MBTD1: variants seen among roughly 807,000 people sequenced by gnomAD.
MBTD1 encodes MBT domain-containing protein 1.
Under a neutral mutation model 87.8 loss-of-function variants are expected in MBTD1, and 24 were observed. The ratio of observed to expected loss-of-function variants is 0.27; its 90% CI spans 0.20 to 0.38. MBTD1 has a LOEUF of 0.38. Ranked by LOEUF, MBTD1 falls within the 10% of genes least tolerant of loss-of-function variation. The pLI is 1.00. For synonymous variants in MBTD1, 237 were observed against 248.6 expected (o/e 0.95, Z 0.44); for missense variants, 436 against 760.2 (o/e 0.57, Z 5.02).
chr17:51,255,230 G>A (rs148451438), intron 2 of MBTD1, among the ~76,000 whole-genome samples: 5,613 of 151,904 alleles, frequency 0.037, 291 homozygotes, highest in African/African-American at 0.11. Context: ...GCAGTGAGCC[G>A]AGCTCATGCC....
chr17:51,188,940 T>C (rs1175360711), intron 16 of MBTD1, among the ~76,000 whole-genome samples: 3 of 152,026 alleles, frequency 2.0e-5, no homozygotes, highest in Non-Finnish European at 4.4e-5. Flanking sequence ...GCATTTTTAG[T>C]AGAGACGGGG....
chr17:51,179,750 GAATCCCTTTC>G lies in MBTD1; in HGVS notation c.*816_*825del, dbSNP rs2050240020. On this transcript the variant is annotated 3_prime_UTR_variant, in exon 17 of 17. Coordinates refer to ENST00000586178, the MANE Select transcript of MBTD1 (RefSeq NM_017643.3). Reference sequence around the variant, plus strand: ...GAGGGAAATGGCAGAGAACTGATCAGAATCCCTTTCGTGGGGTATTTTTTTTAGAAAGGAA... The same window carrying G: ...GAGGGAAATGGCAGAGAACTGATCAGGTGGGGTATTTTTTTTAGAAAGGAA... 1 of 151,410 alleles carries G rather than the reference GAATCCCTTTC, an allele frequency of 6.6e-6. No individual in the cohort carries two copies. Among genetic ancestry groups the G allele is most frequent in the African/African-American group, 2.4e-5 (1 of 41,214 alleles). The allele number at this position is 151,410 out of a possible 1,614,324, so 9.4% of individuals were successfully genotyped here. A position where few individuals can be genotyped will look rare whatever the true frequency, so the allele number is the denominator to read the frequency against.
chr17:51,219,158 T>C, intron 4 of MBTD1, 114 bp from the exon 5 acceptor site: 1 of 597,808 alleles, frequency 1.7e-6, no homozygotes, highest in Non-Finnish European at 3.0e-6. Flanking sequence ...GTTTAGAAAA[T>C]TATTAAAGCA....
At chr17:51,219,985 G>C (rs1045211371) in intron 4 of MBTD1, among the ~76,000 whole-genome samples, 1 of 152,138 alleles carries the variant, frequency 6.6e-6, no homozygotes, top group African/African-American at 2.4e-5. Flanking sequence ...CCCAAATGTT[G>C]AAAGATTCTA....
chr17:51,233,112 T>G (rs1045743105), intron 2 of MBTD1, among the ~76,000 whole-genome samples: 13 of 136,306 alleles, frequency 9.5e-5, no homozygotes, highest in Admixed American at 7.6e-4. Flanking sequence ...GAACATGAAT[T>G]CACAGATAAA....
chr17:51,231,247 T>C (rs2053536342), intron 2 of MBTD1, among the ~76,000 whole-genome samples: 1 of 152,172 alleles, frequency 6.6e-6, no homozygotes, highest in South Asian at 2.1e-4. Context: ...ACCTTTTATA[T>C]CTATAGTTTT....
Position 51,180,295 on chromosome 17 carries a change from T to A in MBTD1, c.*281A>T, listed in dbSNP as rs2050253708. 1 of 291,458 alleles carries A rather than the reference T, an allele frequency of 3.4e-6. No homozygotes were observed. The highest frequency in any genetic ancestry group is 2.2e-5 in the African/African-American group (1 of 44,542). 18.1% of individuals were successfully genotyped at this position (291,458 alleles called of 1,614,324 possible). A position where few individuals can be genotyped will look rare whatever the true frequency, so the allele number is the denominator to read the frequency against. Reference sequence around the variant, plus strand: ...ACCAAAAAAGTTAGAATTTCAGTTCTTGTTAACAATGCACATAAATCCAAA... The same window carrying A: ...ACCAAAAAAGTTAGAATTTCAGTTCATGTTAACAATGCACATAAATCCAAA... On this transcript the variant is annotated 3_prime_UTR_variant, in exon 17 of 17. Transcript: ENST00000586178.
intron 2 of MBTD1, among the ~76,000 whole-genome samples, chr17:51,248,968 T>A (rs902593155): frequency 6.6e-6 from 1 of 152,156 alleles, no homozygotes. Context: ...ACATACTCTC[T>A]GGCCCCGCAT....
Position 51,179,819 on chromosome 17 carries a change from C to T in MBTD1, c.*757G>A, listed in dbSNP as rs2050242348. On this transcript the variant is annotated 3_prime_UTR_variant, in exon 17 of 17. Coordinates refer to ENST00000586178, the MANE Select transcript of MBTD1 (RefSeq NM_017643.3). ...AAGGACAACATTACATTTTCCCCAA[C>T]CCCTCAATGTGTAGACTGAGATCCT... is the stretch of plus-strand genomic sequence containing the variant. 6.6e-6 allele frequency: 1 copy of T among 151,886 alleles called. No individual in the cohort carries two copies. The highest frequency in any genetic ancestry group is 2.4e-5 in the African/African-American group (1 of 41,364). 9.4% of individuals were successfully genotyped at this position (151,886 alleles called of 1,614,324 possible). A position where few individuals can be genotyped will look rare whatever the true frequency, so the allele number is the denominator to read the frequency against.
In MBTD1 at chr17:51,179,373, TC is replaced by T. The variant is rs1362700280; in HGVS notation, c.*1202del. The T allele has an allele frequency of 2.1e-5, 3 of 144,514 alleles. No homozygotes were observed. The highest frequency in any genetic ancestry group is 6.9e-5 in the Admixed American group (1 of 14,416). 9.0% of individuals were successfully genotyped at this position (144,514 alleles called of 1,614,324 possible). A position where few individuals can be genotyped will look rare whatever the true frequency, so the allele number is the denominator to read the frequency against. ...AACCTTTCACCAGTTTACCCTTGTA[TC>T]CTTTTTTTTTTTTTAAAAGGAAGTC... On this transcript the variant is annotated 3_prime_UTR_variant, in exon 17 of 17. Transcript: ENST00000586178.
intron 3 of MBTD1, among the ~76,000 whole-genome samples, chr17:51,222,412 T>C (rs1285775461): frequency 1.3e-5 from 2 of 150,516 alleles, no homozygotes; most frequent in Admixed American, 1.3e-4. Flanking sequence ...TTTGTTTTGT[T>C]TGTTTTTTTT....
At chr17:51,242,646 T>C (rs2054222271) in intron 2 of MBTD1, among the ~76,000 whole-genome samples, 1 of 152,180 alleles carries the variant, frequency 6.6e-6, no homozygotes, top group African/African-American at 2.4e-5. Context: ...TCACCCTTCT[T>C]GCAAAAATAA....
intron 6 of MBTD1, among the ~76,000 whole-genome samples, chr17:51,214,270 G>C (rs745559812): frequency 2.6e-5 from 4 of 152,018 alleles, no homozygotes; most frequent in Non-Finnish European, 5.9e-5. Flanking sequence ...CCCAGCCTAA[G>C]TAGAAATATT....
chr17:51,207,989 T>C (rs2051947361), intron 6 of MBTD1, among the ~76,000 whole-genome samples: 1 of 152,192 alleles, frequency 6.6e-6, no homozygotes, highest in Non-Finnish European at 1.5e-5. Context: ...TATGAACAAA[T>C]CAGGAAAAAC....
intron 12 of MBTD1, 65 bp downstream of exon 12, chr17:51,201,527 C>T: frequency 1.0e-6 from 1 of 957,674 alleles, no homozygotes; most frequent in Non-Finnish European, 1.6e-6. Context: ...CTTGGGGACT[C>T]CTTCTATTAG....
intron 2 of MBTD1, among the ~76,000 whole-genome samples, chr17:51,235,140 T>A (rs2053761748): frequency 6.6e-6 from 1 of 150,956 alleles, no homozygotes; most frequent in Admixed American, 6.6e-5. Context: ...AGGATGCAAT[T>A]TTTTTTTTCT....
At chr17:51,190,635 T>C (rs2050746797) in intron 16 of MBTD1, among the ~76,000 whole-genome samples, 1 of 142,308 alleles carries the variant, frequency 7.0e-6, no homozygotes, top group East Asian at 2.1e-4. Flanking sequence ...GGTGGGAGAA[T>C]TGCTTGTACC....
chr17:51,217,122 T>C (rs1387088666), intron 6 of MBTD1, among the ~76,000 whole-genome samples: 1 of 152,144 alleles, frequency 6.6e-6, no homozygotes, highest in Non-Finnish European at 1.5e-5. Context: ...TAAAATAACT[T>C]CAAACTGCAA....
chr17:51,196,781 C>T (rs1231139155), intron 12 of MBTD1, among the ~76,000 whole-genome samples: 1 of 151,530 alleles, frequency 6.6e-6, no homozygotes, highest in Non-Finnish European at 1.5e-5. Context: ...ATCCCAGCTA[C>T]TTAGGAGGCT....
Sources: gnomAD v4.1 joint callset for allele counts (sites outside exome capture counted in the v4.1 genomes callset) on GRCh38, gnomAD v4.1.1 for gene constraint, MANE v1.5 for transcripts, NCBI Gene and HGNC (gene_info 2026-07-23, HGNC 2026-07-21) for gene names.